ZNF280D: variants seen among roughly 807,000 people sequenced by gnomAD.
ZNF280D encodes zinc finger protein 280D, also known as suppressor of hairy wing homolog 4.
Under a neutral mutation model 94.7 loss-of-function variants are expected in ZNF280D, and 39 were observed. The ratio of observed to expected loss-of-function variants is 0.41; its 90% CI spans 0.32 to 0.54. ZNF280D has a LOEUF of 0.54. Among genes scored for constraint, ZNF280D ranks in the 20% least tolerant of loss-of-function variants. ZNF280D has a pLI of 0.22. For missense variants in ZNF280D, 1,090 were observed against 1,149.3 expected, an observed-to-expected ratio of 0.95 and a Z score of 0.75; for synonymous variants, 398 against 377.6, an observed-to-expected ratio of 1.05 and a Z score of -0.63.
chr15:56,669,143 C>CA (rs1173425841), intron 13 of ZNF280D, among the ~76,000 whole-genome samples, 186 bp from the exon 14 acceptor site: 1 of 151,898 alleles, frequency 6.6e-6, no homozygotes, highest in African/African-American at 2.4e-5. Context: ...ATTTGGGTTT[C>CA]AAAAGTGTTC....
chr15:56,681,181 T>A (rs2055592016), intron 10 of ZNF280D, among the ~76,000 whole-genome samples: 1 of 152,184 alleles, frequency 6.6e-6, no homozygotes, highest in African/African-American at 2.4e-5. Context: ...ACAGTGTATT[T>A]CAGGATTTTT....
In ZNF280D at chr15:56,639,963, A is replaced by AT. The variant is rs534946551; in HGVS notation, c.2259+2988dup. 4.3e-4 allele frequency among the ~76,000 whole-genome samples: 65 copies of AT among 150,124 alleles called. No individual in the cohort carries two copies. In the East Asian group the frequency reaches 5.6e-3, roughly 13 times the overall value. On this transcript the variant is annotated intron_variant, in intron 20 of 21. Transcript: ENST00000267807. ...CTTCAGACCCCTTCACTCCCCAGCG[A>AT]TTTTTTTTTTATGTGTGTGAACACT...
intron 1 of ZNF280D, among the ~76,000 whole-genome samples, chr15:56,731,165 T>C (rs972726533): frequency 3.3e-5 from 5 of 152,162 alleles, no homozygotes; most frequent in African/African-American, 1.2e-4. Flanking sequence ...CACTAAAACA[T>C]GGAATATGGG....
chr15:56,695,628 C>T (rs1021576996), intron 6 of ZNF280D, among the ~76,000 whole-genome samples: 5 of 149,538 alleles, frequency 3.3e-5, no homozygotes, highest in Non-Finnish European at 1.5e-5. Context: ...CTCCTGGGTT[C>T]AAGCAATTCT....
intron 20 of ZNF280D, among the ~76,000 whole-genome samples, chr15:56,636,990 A>C (rs545771424): frequency 1.3e-5 from 2 of 152,224 alleles, no homozygotes; most frequent in Non-Finnish European, 2.9e-5. Context: ...GGCAGGCATG[A>C]GATACTGAGA....
chr15:56,653,903 C>A (rs1232025206), intron 19 of ZNF280D: 1 of 1,260,460 alleles, frequency 7.9e-7, no homozygotes, highest in African/African-American at 1.6e-5. Flanking sequence ...AATCTAGTCC[C>A]ATTTGAAAGC....
At chr15:56,657,019 A>T (rs534310639) in intron 17 of ZNF280D, among the ~76,000 whole-genome samples, 1 of 152,306 alleles carries the variant, frequency 6.6e-6, no homozygotes, top group Admixed American at 6.5e-5. Flanking sequence ...GTCTTGAGAC[A>T]TACCATCCCC....
chr15:56,718,267 A>T (rs2058152676), intron 1 of ZNF280D, among the ~76,000 whole-genome samples: 1 of 152,178 alleles, frequency 6.6e-6, no homozygotes, highest in Admixed American at 6.5e-5. Context: ...TTGAAGCTCA[A>T]CACTGAGAAC....
chr15:56,692,894 A>G (rs750405297), intron 7 of ZNF280D, among the ~76,000 whole-genome samples: 1 of 152,142 alleles, frequency 6.6e-6, no homozygotes, highest in Non-Finnish European at 1.5e-5. Flanking sequence ...CTTACTTAAT[A>G]GGAAGAAATA....
rs1312919113 is a variant in ZNF280D, at chr15:56,666,828, G to T, written c.1704C>A (p.Val568=). ...AKSNTSKPNT[V]KSNASKPNTS... ...TATTAGGTTTACTTGCGTTGGATTT[G>T]ACTGTATTAGGTTTACTTGTATTAG... The change falls in exon 15 of 22, where the codon GTC becomes GTA. Residue 568 remains valine (V), a synonymous_variant. Coordinates refer to ENST00000267807, the MANE Select transcript of ZNF280D (RefSeq NM_017661.4). 3 of 1,613,734 alleles carry T rather than the reference G, an allele frequency of 1.9e-6. No individual in the cohort carries two copies.
At chr15:56,669,032 C>T in intron 13 of ZNF280D, 75 bp from the exon 14 acceptor site, 20 of 1,412,692 alleles carry the variant, frequency 1.4e-5, no homozygotes, top group Non-Finnish European at 1.9e-5. Context: ...AAACTGCTGA[C>T]TTAATTTTAA....
rs920595515 is a variant in ZNF280D at position 56,733,482 on chromosome 15, C to G, written c.-110G>C. The G allele has an allele frequency of 7.1e-6, 8 of 1,127,402 alleles. No individual in the cohort carries two copies. The highest frequency in any genetic ancestry group is 7.7e-4 in the Middle Eastern group (2 of 2,582). 69.8% of individuals were successfully genotyped at this position (1,127,402 alleles called of 1,614,324 possible). The stretch of plus-strand genomic sequence containing the variant: ...CCGTGAGCGGAGCGGATCGGCCTGA[C>G]TGGAGCCCTGAGGAGGAGGAGAAAG... On this transcript the variant is annotated 5_prime_UTR_variant, in exon 1 of 22. Coordinates refer to ENST00000267807, the MANE Select transcript of ZNF280D (RefSeq NM_017661.4).
intron 1 of ZNF280D, chr15:56,732,869 C>T (rs1429095671): frequency 6.6e-6 from 1 of 152,252 alleles, no homozygotes. Context: ...CCTCAGGGCC[C>T]TTCTTCTGTA....
intron 19 of ZNF280D, among the ~76,000 whole-genome samples, chr15:56,649,797 C>T (rs1412595267): frequency 6.6e-6 from 1 of 151,852 alleles, no homozygotes; most frequent in Non-Finnish European, 1.5e-5. Flanking sequence ...GGTTCAATGA[C>T]AGTAAGTATC....
chr15:56,708,606 T>C (rs1261741724), intron 1 of ZNF280D, among the ~76,000 whole-genome samples: 3 of 152,214 alleles, frequency 2.0e-5, no homozygotes, highest in Non-Finnish European at 4.4e-5. Context: ...GACTTCAAAC[T>C]ATACTACAAG....
At chr15:56,662,741 G>A (rs187455669) in intron 16 of ZNF280D, among the ~76,000 whole-genome samples, 8 of 150,632 alleles carry the variant, frequency 5.3e-5, no homozygotes, top group South Asian at 2.1e-4. Flanking sequence ...GGAGAATTGC[G>A]TGAACCTGGG....
At chr15:56,701,755 C>T (rs531932442) in intron 4 of ZNF280D, among the ~76,000 whole-genome samples, 1 of 152,026 alleles carries the variant, frequency 6.6e-6, no homozygotes, top group Non-Finnish European at 1.5e-5. Flanking sequence ...GGATTATCTA[C>T]TATTAGTTTT....
At chr15:56,679,902 A>T (rs1293462308) in intron 10 of ZNF280D, among the ~76,000 whole-genome samples, 1 of 152,224 alleles carries the variant, frequency 6.6e-6, no homozygotes, top group Non-Finnish European at 1.5e-5. Context: ...CTTACAAAAA[A>T]TCCTGGTCGT....
chr15:56,732,709 C>A (rs2058956549), intron 1 of ZNF280D: 1 of 152,048 alleles, frequency 6.6e-6, no homozygotes, highest in African/African-American at 2.4e-5. Context: ...CAGCAGATTT[C>A]TCCTTAAAAG....
Sources: gnomAD v4.1 joint callset for allele counts (sites outside exome capture counted in the v4.1 genomes callset) on GRCh38, gnomAD v4.1.1 for gene constraint, MANE v1.5 for transcripts, NCBI Gene and HGNC (gene_info 2026-07-23, HGNC 2026-07-21) for gene names.